RCAN2: variants seen among roughly 807,000 people sequenced by gnomAD.
RCAN2 encodes regulator of calcineurin 2.
A neutral mutation model predicts 23.6 loss-of-function variants in RCAN2; 9 were observed. The ratio of observed to expected loss-of-function variants is 0.38; its 90% confidence interval spans 0.23 to 0.67. The LOEUF (loss-of-function observed/expected upper bound fraction) is 0.67. RCAN2 is among the 30% of genes least tolerant of loss of function. The probability of loss-of-function intolerance (pLI) is 0.51; values close to 1 mark genes in which losing one functional copy is unlikely to be tolerated. For synonymous variants in RCAN2, 109 were observed against 115.7 expected, an observed-to-expected ratio of 0.94 and a Z score of 0.37; for missense variants, 273 against 302.3, an observed-to-expected ratio of 0.90 and a Z score of 0.72.
chr6:46,320,848 G>A (rs1453070203), intron 2 of RCAN2, among the ~76,000 whole-genome samples: 3 of 152,090 alleles, frequency 2.0e-5, no homozygotes, highest in Non-Finnish European at 2.9e-5. Flanking sequence ...GGCTTAAAAC[G>A]TAGCATGAGG....
intron 2 of RCAN2, among the ~76,000 whole-genome samples, chr6:46,426,049 C>A (rs1429983660): frequency 1.3e-5 from 2 of 151,960 alleles, no homozygotes; most frequent in Non-Finnish European, 2.9e-5. Context: ...CAGGTGCCCA[C>A]CACCATGCCC....
At chr6:46,268,008 A>G (rs1490361279) in intron 2 of RCAN2, among the ~76,000 whole-genome samples, 3 of 152,176 alleles carry the variant, frequency 2.0e-5, no homozygotes, top group Non-Finnish European at 4.4e-5. Context: ...AGAAAAAAAA[A>G]TAGCCACATA....
intron 2 of RCAN2, among the ~76,000 whole-genome samples, chr6:46,362,278 C>A (rs1350835663): frequency 6.6e-6 from 1 of 151,920 alleles, no homozygotes; most frequent in Admixed American, 6.6e-5. Context: ...GGAGTGAATT[C>A]AAACAGTTTG....
intron 2 of RCAN2, among the ~76,000 whole-genome samples, chr6:46,394,854 C>T (rs1468011133): frequency 1.3e-5 from 2 of 152,068 alleles, no homozygotes; most frequent in Non-Finnish European, 2.9e-5. Context: ...TTAGTCCAAA[C>T]AAGATGGAAG....
chr6:46,308,358 T>C (rs1763132936), intron 2 of RCAN2, among the ~76,000 whole-genome samples: 1 of 152,180 alleles, frequency 6.6e-6, no homozygotes, highest in Non-Finnish European at 1.5e-5. Flanking sequence ...TTGAGATCTT[T>C]CACCAATGAC....
chr6:46,470,952 C>T (rs1429156829), intron 1 of RCAN2, among the ~76,000 whole-genome samples: 1 of 152,224 alleles, frequency 6.6e-6, no homozygotes, highest in Non-Finnish European at 1.5e-5. Context: ...CACCAGAAGG[C>T]ACAGATACCC....
intron 2 of RCAN2, among the ~76,000 whole-genome samples, chr6:46,313,419 G>T (rs1258318906): frequency 6.6e-6 from 1 of 152,170 alleles, no homozygotes; most frequent in Non-Finnish European, 1.5e-5. Context: ...TCTCAAGTGG[G>T]ACTGTCTCAC....
chr6:46,365,252 G>A (rs1469967617), intron 2 of RCAN2, among the ~76,000 whole-genome samples: 2 of 152,080 alleles, frequency 1.3e-5, no homozygotes, highest in African/African-American at 4.8e-5. Context: ...AAGGCGGGTG[G>A]ATCACCTGAG....
intron 2 of RCAN2, among the ~76,000 whole-genome samples, chr6:46,349,438 A>G (rs1170837980): frequency 6.6e-6 from 1 of 152,142 alleles, no homozygotes; most frequent in Non-Finnish European, 1.5e-5. Flanking sequence ...GAGGGACAGT[A>G]TTAGGAAAAA....
intron 2 of RCAN2, among the ~76,000 whole-genome samples, chr6:46,322,565 C>A (rs1448845196): frequency 1.3e-5 from 2 of 152,228 alleles, no homozygotes; most frequent in Non-Finnish European, 2.9e-5. Context: ...CTACCCATTT[C>A]AAATAAACTC....
chr6:46,338,168 T>TA (rs2150370865), intron 2 of RCAN2, among the ~76,000 whole-genome samples: 1 of 152,306 alleles, frequency 6.6e-6, no homozygotes, highest in Non-Finnish European at 1.5e-5. Flanking sequence ...AGGTGGCTCT[T>TA]ACAGAGTTAA....
At position 46,438,210 on chromosome 6, in the gene RCAN2, C is replaced by T. The variant is rs897161966; in HGVS notation, c.225+18542G>A. 16 of 152,170 alleles carry T rather than the reference C, an allele frequency of 1.1e-4. 1 individual carries two copies. Among genetic ancestry groups the T allele is most frequent in the Admixed American group, 2.6e-4 (4 of 15,272 alleles). The allele number at this position is 152,170 out of a possible 1,614,324, so 9.4% of individuals were successfully genotyped here. On this transcript the variant is annotated intron_variant, in intron 2 of 4. Transcript: ENST00000371374. ...CACATTTTATGACATGGGATGGGTC[C>T]ATGTGGAGACTGTTGTACAGGTACA...
At chr6:46,279,376 T>C (rs1273378210) in intron 2 of RCAN2, among the ~76,000 whole-genome samples, 2 of 152,224 alleles carry the variant, frequency 1.3e-5, no homozygotes, top group Admixed American at 6.5e-5. Context: ...AGGTTTGCTT[T>C]AACCTTGGCA....
intron 2 of RCAN2, among the ~76,000 whole-genome samples, chr6:46,440,293 C>T (rs960522696): frequency 1.3e-5 from 2 of 151,970 alleles, no homozygotes; most frequent in African/African-American, 4.8e-5. Flanking sequence ...CTAGATGGCA[C>T]GTGTTCCTGG....
intron 1 of RCAN2, among the ~76,000 whole-genome samples, chr6:46,486,981 T>C (rs906156134): frequency 1.3e-5 from 2 of 152,190 alleles, no homozygotes; most frequent in Admixed American, 6.5e-5. Context: ...ACTTACAATA[T>C]ATGACACCTA....
At chr6:46,274,900 T>C (rs1241254472) in intron 2 of RCAN2, among the ~76,000 whole-genome samples, 3 of 152,010 alleles carry the variant, frequency 2.0e-5, no homozygotes, top group Non-Finnish European at 4.4e-5. Flanking sequence ...AGATGGAGGG[T>C]AACCACGTGG....
At chr6:46,490,834 A>G (rs1769119501) in intron 1 of RCAN2, among the ~76,000 whole-genome samples, 1 of 151,818 alleles carries the variant, frequency 6.6e-6, no homozygotes, top group Non-Finnish European at 1.5e-5. Context: ...TCCTTCACTT[A>G]TGCACCTGCT....
At chr6:46,397,475 G>A (rs1043841416) in intron 2 of RCAN2, among the ~76,000 whole-genome samples, 9 of 151,956 alleles carry the variant, frequency 5.9e-5, no homozygotes, top group African/African-American at 1.9e-4. Flanking sequence ...TTATTCTAAT[G>A]TCAATTTCCT....
intron 2 of RCAN2, among the ~76,000 whole-genome samples, chr6:46,355,096 T>C (rs1764784489): frequency 6.6e-6 from 1 of 152,214 alleles, no homozygotes; most frequent in South Asian, 2.1e-4. Context: ...CTCAACCTGT[T>C]CATACTTGTG....
Sources: allele counts gnomAD v4.1 joint callset (sites outside exome capture counted in the v4.1 genomes callset), GRCh38; gene constraint gnomAD v4.1.1; transcripts MANE v1.5; gene names NCBI Gene and HGNC (gene_info 2026-07-23, HGNC 2026-07-21).